The following CNTNAP2 variants were observed in gnomAD, a reference collection of about 807,000 sequenced individuals.
CNTNAP2 encodes the protein contactin-associated protein-like 2.
Under a neutral mutation model 155.2 loss-of-function variants are expected in CNTNAP2, and 98 were observed. The ratio of observed to expected loss-of-function variants is 0.63; its 90% CI spans 0.54 to 0.75. The LOEUF is 0.75. Among genes scored for constraint, CNTNAP2 ranks in the 30% least tolerant of loss-of-function variants. CNTNAP2 has a pLI of 0.00. For synonymous variants in CNTNAP2, 651 were observed against 631.2 expected, an observed-to-expected ratio of 1.03 and a Z score of -0.47; for missense variants, 1,727 against 1,688.1, an observed-to-expected ratio of 1.02 and a Z score of -0.40.
intron 1 of CNTNAP2, among the ~76,000 whole-genome samples, chr7:146,386,152 T>G (rs1795456707): frequency 6.6e-6 from 1 of 152,114 alleles, no homozygotes; most frequent in Non-Finnish European, 1.5e-5. Context: ...TAAAATATAT[T>G]TACTAGTATT....
intron 2 of CNTNAP2, among the ~76,000 whole-genome samples, chr7:146,836,464 T>C (rs1452865927): frequency 1.9e-4 from 29 of 152,314 alleles, no homozygotes; most frequent in Non-Finnish European, 2.9e-5. Context: ...AGAAAATGTT[T>C]GCTGACCCTT....
At chr7:146,650,735 G>T (rs898803508) in intron 1 of CNTNAP2, among the ~76,000 whole-genome samples, 1 of 152,042 alleles carries the variant, frequency 6.6e-6, no homozygotes, top group Non-Finnish European at 1.5e-5. Flanking sequence ...CGATATAATG[G>T]AAAGAGTACA....
intron 1 of CNTNAP2, among the ~76,000 whole-genome samples, chr7:146,291,842 C>T (rs981556774): frequency 6.6e-6 from 1 of 151,712 alleles, no homozygotes; most frequent in Non-Finnish European, 1.5e-5. Flanking sequence ...TGGATTTGAC[C>T]CCAAAAGCAT....
In CNTNAP2 at chr7:147,855,811, A is replaced by T; in HGVS notation, c.2099-47754A>T. 1.3e-5 allele frequency among the ~76,000 whole-genome samples: 2 copies of T among 152,220 alleles called. 1 individual carries two copies. Among genetic ancestry groups the T allele is most frequent in the East Asian group, 3.9e-4 (2 of 5,174 alleles). ...CTACTAATGCCCAGCCCTGCAAAAA[A>T]CTTATACTCCCATTTCTGGTGGAGG... On this transcript the variant is annotated intron_variant, in intron 13 of 23. Transcript: ENST00000361727.
intron 14 of CNTNAP2, among the ~76,000 whole-genome samples, chr7:147,904,959 G>A (rs921522903): frequency 6.6e-6 from 1 of 152,096 alleles, no homozygotes. Context: ...GTTGGGAATG[G>A]AGTTAAAAGG....
At chr7:147,045,935 G>A (rs1318589971) in intron 4 of CNTNAP2, among the ~76,000 whole-genome samples, 1 of 151,638 alleles carries the variant, frequency 6.6e-6, no homozygotes, top group Non-Finnish European at 1.5e-5. Flanking sequence ...TATTTTATTA[G>A]CAATTATTTA....
chr7:146,656,853 AAAGT>A (rs1432330126), intron 1 of CNTNAP2, among the ~76,000 whole-genome samples: 3 of 152,222 alleles, frequency 2.0e-5, no homozygotes, highest in African/African-American at 7.2e-5. Context: ...ATAGAAAACA[AAAGT>A]ATTATGGCTT....
At chr7:147,531,445 T>C (rs1426771414) in intron 11 of CNTNAP2, among the ~76,000 whole-genome samples, 1 of 152,254 alleles carries the variant, frequency 6.6e-6, no homozygotes, top group Admixed American at 6.5e-5. Flanking sequence ...CCTCAATTCC[T>C]GACTTCTGTG....
intron 9 of CNTNAP2, among the ~76,000 whole-genome samples, chr7:147,358,533 G>C (rs1416387466): frequency 6.6e-6 from 1 of 151,980 alleles, no homozygotes; most frequent in African/African-American, 2.4e-5. Context: ...ACAAATGTTT[G>C]AACGATCTAT....
At chr7:146,181,861 C>T (rs1366063795) in intron 1 of CNTNAP2, among the ~76,000 whole-genome samples, 1 of 152,134 alleles carries the variant, frequency 6.6e-6, no homozygotes, top group Non-Finnish European at 1.5e-5. Flanking sequence ...CATATTTACA[C>T]AAGTAGAGTG....
chr7:147,165,168 A>AT (rs11377733), intron 8 of CNTNAP2, among the ~76,000 whole-genome samples: 62,638 of 151,372 alleles, frequency 0.41, 13,731 homozygotes, highest in East Asian at 0.64. Context: ...GTATTTTTTG[A>AT]TTTTTTTTTC....
intron 12 of CNTNAP2, among the ~76,000 whole-genome samples, chr7:147,622,814 A>G (rs546557689): frequency 6.6e-6 from 1 of 152,202 alleles, no homozygotes; most frequent in South Asian, 2.1e-4. Flanking sequence ...AGAAAACAAT[A>G]CAAAAGACCA....
chr7:148,235,620 G>A (rs1352715614), intron 20 of CNTNAP2, among the ~76,000 whole-genome samples: 1 of 151,114 alleles, frequency 6.6e-6, no homozygotes, highest in Non-Finnish European at 1.5e-5. Flanking sequence ...CCTTGTGTGT[G>A]TTCAGCCATG....
intron 11 of CNTNAP2, among the ~76,000 whole-genome samples, chr7:147,543,781 C>T (rs1202913900): frequency 4.6e-5 from 7 of 152,088 alleles, no homozygotes; most frequent in East Asian, 1.9e-4. Context: ...AGAACCATGG[C>T]GAGCCTCAGG....
chr7:146,646,310 A>G (rs1267917372), intron 1 of CNTNAP2, among the ~76,000 whole-genome samples: 1 of 152,120 alleles, frequency 6.6e-6, no homozygotes, highest in Non-Finnish European at 1.5e-5. Context: ...ATATATGTGA[A>G]TGCTCACTAG....
At chr7:146,603,259 A>C (rs1042167378) in intron 1 of CNTNAP2, among the ~76,000 whole-genome samples, 10 of 150,920 alleles carry the variant, frequency 6.6e-5, no homozygotes, top group Admixed American at 4.6e-4. Context: ...AAAAATACAA[A>C]ACATTAGCCG....
chr7:147,339,719 A>G (rs1476947830), intron 9 of CNTNAP2, among the ~76,000 whole-genome samples: 1 of 152,200 alleles, frequency 6.6e-6, no homozygotes, highest in Non-Finnish European at 1.5e-5. Context: ...GAATGTAATA[A>G]TAATCATTTA....
In CNTNAP2 at chr7:148,226,796, A is replaced by C. The variant is rs79691572; in HGVS notation, c.3248-2850A>C. On this transcript the variant is annotated intron_variant, in intron 19 of 23. Transcript: ENST00000361727. ...AACCCCAGAACTATGCCAATGTATA[A>C]AACCCCAAATCAAGGGCCAAACAGG... is the stretch of plus-strand genomic sequence containing the variant. Among the ~76,000 whole-genome samples, 669 of 152,354 alleles carry C rather than the reference A, an allele frequency of 4.4e-3. 6 individuals are homozygous for C. Among genetic ancestry groups the C allele is most frequent in the Non-Finnish European group, 4.4e-3 (302 of 68,038 alleles).
chr7:148,420,125 C>T lies in CNTNAP2; in HGVS notation c.*4509C>T, dbSNP rs1370733156. ...TTAATCATGCAGACTAACCTGTCAA[C>T]ACTGGGAGATGCAACATAGCAAAAG... On this transcript the variant is annotated 3_prime_UTR_variant, in exon 24 of 24. Coordinates refer to ENST00000361727, the MANE Select transcript of CNTNAP2 (RefSeq NM_014141.6). The T allele has an allele frequency of 6.6e-6, 1 of 152,202 alleles. No homozygotes were observed. Among genetic ancestry groups the T allele is most frequent in the Non-Finnish European group, 1.5e-5 (1 of 68,040 alleles). 9.4% of individuals were successfully genotyped at this position (152,202 alleles called of 1,614,324 possible).
Sources: gnomAD v4.1 joint callset for allele counts (sites outside exome capture counted in the v4.1 genomes callset) on GRCh38, gnomAD v4.1.1 for gene constraint, MANE v1.5 for transcripts, NCBI Gene and HGNC (gene_info 2026-07-23, HGNC 2026-07-21) for gene names.